CNTN6: variants seen among roughly 807,000 people sequenced by gnomAD.
The protein encoded by CNTN6 is contactin 6, also known as contactin-6.
CNTN6 carries 137 observed loss-of-function variants against 122.8 expected under a neutral mutation model. That is an observed-to-expected ratio of 1.12 (90% confidence interval 0.97 to 1.29). CNTN6 has a LOEUF of 1.29. Ranked by LOEUF, CNTN6 falls within the 50% of genes most tolerant of loss-of-function variation. The pLI is 0.00. For synonymous variants in CNTN6, 570 were observed against 426.0 expected, an observed-to-expected ratio of 1.34 and a Z score of -4.16; for missense variants, 1,634 against 1,223.4, an observed-to-expected ratio of 1.34 and a Z score of -5.01.
At chr3:1,248,223 C>A (rs978610290) in intron 4 of CNTN6, among the ~76,000 whole-genome samples, 1 of 152,086 alleles carries the variant, frequency 6.6e-6, no homozygotes, top group South Asian at 2.1e-4. Flanking sequence ...TATTCTAGTT[C>A]TCAAATTGAT....
At chr3:1,256,120 C>T (rs993949262) in intron 4 of CNTN6, among the ~76,000 whole-genome samples, 3 of 152,086 alleles carry the variant, frequency 2.0e-5, no homozygotes, top group African/African-American at 7.2e-5. Flanking sequence ...ATCCTTCTGT[C>T]GTGGTCTCCT....
intron 7 of CNTN6, among the ~76,000 whole-genome samples, chr3:1,320,785 G>A (rs1228991221): frequency 6.6e-6 from 1 of 151,476 alleles, no homozygotes; most frequent in East Asian, 1.9e-4. Flanking sequence ...CTTATTTTAT[G>A]CCTTCTAAAC....
chr3:1,349,176 C>T (rs1180925093), intron 11 of CNTN6, among the ~76,000 whole-genome samples: 15 of 151,864 alleles, frequency 9.9e-5, no homozygotes, highest in Admixed American at 5.9e-4. Flanking sequence ...AATTTCCACA[C>T]ATATTTTTAT....
At chr3:1,281,185 A>G (rs1693352648) in intron 5 of CNTN6, among the ~76,000 whole-genome samples, 1 of 152,174 alleles carries the variant, frequency 6.6e-6, no homozygotes, top group Non-Finnish European at 1.5e-5. Flanking sequence ...CGGGTCGTTG[A>G]AGGTCATCTT....
At chr3:1,115,651 C>G (rs2091688750) in intron 1 of CNTN6, among the ~76,000 whole-genome samples, 1 of 152,138 alleles carries the variant, frequency 6.6e-6, no homozygotes, top group Non-Finnish European at 1.5e-5. Context: ...ACTCAGGAGG[C>G]TGAGGCAGGA....
intron 2 of CNTN6, among the ~76,000 whole-genome samples, chr3:1,153,629 ACAGT>A (rs1198082509): frequency 1.3e-5 from 2 of 152,138 alleles, no homozygotes; most frequent in African/African-American, 4.8e-5. Flanking sequence ...CTAAATACTC[ACAGT>A]CAGGCACCTA....
chr3:1,117,387 T>C (rs2091767436), intron 1 of CNTN6, among the ~76,000 whole-genome samples: 1 of 152,114 alleles, frequency 6.6e-6, no homozygotes. Context: ...TGGTTTGATA[T>C]GGCTGAATAA....
intron 2 of CNTN6, among the ~76,000 whole-genome samples, chr3:1,202,056 T>TA (rs2093880348): frequency 6.6e-6 from 1 of 152,332 alleles, no homozygotes; most frequent in Admixed American, 6.5e-5. Flanking sequence ...CCTTAATCTT[T>TA]AAAAAATGCT....
intron 4 of CNTN6, among the ~76,000 whole-genome samples, chr3:1,252,882 G>A (rs1422959851): frequency 6.6e-6 from 1 of 152,106 alleles, no homozygotes; most frequent in African/African-American, 2.4e-5. Context: ...GGTTGGATTT[G>A]ACTCAACCCA....
At chr3:1,190,077 A>C (rs2093679991) in intron 2 of CNTN6, among the ~76,000 whole-genome samples, 1 of 152,284 alleles carries the variant, frequency 6.6e-6, no homozygotes, top group Non-Finnish European at 1.5e-5. Context: ...AACGCAGTGA[A>C]TCTGGTAAGG....
intron 3 of CNTN6, among the ~76,000 whole-genome samples, chr3:1,223,933 C>T (rs2094243198): frequency 6.6e-6 from 1 of 152,130 alleles, no homozygotes; most frequent in Non-Finnish European, 1.5e-5. Flanking sequence ...TACATTATTG[C>T]ACACATCGTA....
At chr3:1,135,460 G>A (rs1209462980) in intron 1 of CNTN6, among the ~76,000 whole-genome samples, 2 of 152,158 alleles carry the variant, frequency 1.3e-5, no homozygotes, top group Non-Finnish European at 2.9e-5. Context: ...ACATCCTGCT[G>A]TCAGTGCTCT....
At chr3:1,368,211 G>A (rs1175095345) in intron 12 of CNTN6, among the ~76,000 whole-genome samples, 1 of 152,100 alleles carries the variant, frequency 6.6e-6, no homozygotes, top group African/African-American at 2.4e-5. Flanking sequence ...CAGGCATTTT[G>A]AACTATACGA....
chr3:1,174,282 T>A (rs1323305215), intron 2 of CNTN6, among the ~76,000 whole-genome samples: 1 of 152,182 alleles, frequency 6.6e-6, no homozygotes, highest in Non-Finnish European at 1.5e-5. Flanking sequence ...AATTTGTACA[T>A]CTCTTCAGAG....
chr3:1,321,514 T>A, intron 7 of CNTN6, 136 bp from the exon 8 acceptor site: 1 of 762,186 alleles, frequency 1.3e-6, no homozygotes, highest in Non-Finnish European at 2.1e-6. Flanking sequence ...AATGATTGCA[T>A]GATCTGAAAA....
At chr3:1,150,259 T>C (rs1055228296) in intron 2 of CNTN6, among the ~76,000 whole-genome samples, 7 of 152,226 alleles carry the variant, frequency 4.6e-5, no homozygotes, top group African/African-American at 9.6e-5. Flanking sequence ...TCTGTGACTA[T>C]GCATAGTGAT....
In CNTN6 at chr3:1,220,745, T is replaced by C. The variant is rs369445121; in HGVS notation, c.114T>C (p.Pro38=). The change falls in exon 3 of 23, where the codon CCT becomes CCC. Residue 38 remains proline (P), a synonymous_variant. Coordinates refer to ENST00000446702, the MANE Select transcript of CNTN6 (RefSeq NM_001289080.2). ...FTQEPHDVIF[P]LDLSKSEVIL... The stretch of plus-strand genomic sequence containing the variant: ...AGGAGCCACATGATGTCATTTTTCC[T>C]TTGGATTTATCAAAATCTGAGGTCA... The C allele has an allele frequency of 1.9e-6, 3 of 1,613,406 alleles. No individual in the cohort carries two copies. The highest frequency in any genetic ancestry group is 2.2e-5 in the South Asian group (2 of 91,032).
chr3:1,269,903 C>T (rs1252286765), intron 4 of CNTN6, among the ~76,000 whole-genome samples: 1 of 152,106 alleles, frequency 6.6e-6, no homozygotes, highest in African/African-American at 2.4e-5. Context: ...TTCTTTTACA[C>T]CCCCAAAAGT....
At position 1,329,789 on chromosome 3, in the gene CNTN6, A is replaced by G; in HGVS notation, c.1218A>G (p.Ser406=). 1.2e-6 allele frequency: 2 copies of G among 1,603,488 alleles called. No homozygotes were observed. The highest frequency in any genetic ancestry group is 1.7e-6 in the Non-Finnish European group (2 of 1,175,904). Residue 406 remains serine, a synonymous_variant, in exon 11 of 23, where the codon TCA becomes TCG. Coordinates refer to ENST00000446702, the MANE Select transcript of CNTN6 (RefSeq NM_001289080.2). ...YANAELRVLA[S]APDFSKSPVK... is the part of the protein sequence containing the mutation. ...TGTCTTTGATTTTGTTTTTAGCCTC[A>G]GCTCCAGATTTCTCCAAAAGTCCAG...
Sources: allele counts gnomAD v4.1 joint callset (sites outside exome capture counted in the v4.1 genomes callset), GRCh38; gene constraint gnomAD v4.1.1; transcripts MANE v1.5; gene names NCBI Gene and HGNC (gene_info 2026-07-23, HGNC 2026-07-21).